LRRC41: variants seen among roughly 807,000 people sequenced by gnomAD.
The protein encoded by LRRC41 is leucine rich repeat containing 41.
In LRRC41, 17 loss-of-function variants were observed where a neutral mutation model predicts 72.1. The ratio of observed to expected loss-of-function variants is 0.24; its 90% confidence interval spans 0.16 to 0.35. The LOEUF is 0.35. Among genes scored for constraint, LRRC41 ranks in the 10% least tolerant of loss-of-function variants. The probability of loss-of-function intolerance (pLI) is 1.00; values close to 1 mark genes in which losing one functional copy is unlikely to be tolerated. For missense variants in LRRC41, 759 were observed against 1,065.0 expected (o/e 0.71, Z 4.00); for synonymous variants, 427 against 431.0 (o/e 0.99, Z 0.11).
At chr1:46,297,310 G>A (rs1300679378) in intron 3 of LRRC41, 2 of 410,576 alleles carry the variant, frequency 4.9e-6, no homozygotes, top group African/African-American at 4.0e-5. Context: ...AAGAACTCTA[G>A]GAATCCTGGC....
In LRRC41 at chr1:46,302,437, C is replaced by T; in HGVS notation, c.199+687G>A. The T allele has an allele frequency of 1.0e-6, 1 of 985,406 alleles. No homozygotes were observed. Among genetic ancestry groups the T allele is most frequent in the South Asian group, 4.7e-5 (1 of 21,286 alleles). The allele number at this position is 985,406 out of a possible 1,614,324, so 61.0% of individuals were successfully genotyped here. ...CCCTGTCCTGCGGGTCGCACGGTCG[C>T]TCGGTCGCTTAGTCAGTTTGGCACC... On this transcript the variant is annotated intron_variant, in intron 1 of 9. Transcript: ENST00000617190. This position sits in a 1 kb window ranked among gnomAD's most constrained non-coding sequence, Gnocchi z 4.7.
At chr1:46,281,455 C>T (rs1326280205) in intron 4 of LRRC41, 70 bp from the exon 5 acceptor site, 14 of 1,458,902 alleles carry the variant, frequency 9.6e-6, no homozygotes, top group African/African-American at 1.4e-5. Context: ...TCAAATACAA[C>T]TCCAAATACT....
At position 46,286,744 on chromosome 1, in the gene LRRC41, G is replaced by T. The variant is rs1660891608; in HGVS notation, c.358-245C>A. On this transcript the variant is annotated intron_variant, in intron 3 of 9. Transcript: ENST00000617190. The surrounding 1 kb of genome is among the most constrained non-coding windows in gnomAD (Gnocchi z 5.5). ...CTGGAAATCTGGTTCCAGAGACCATGCTTTTATTATAGTGTCTCCACTGAA... is the reference window on the plus strand; with the variant it reads ...CTGGAAATCTGGTTCCAGAGACCATTCTTTTATTATAGTGTCTCCACTGAA... Among the ~76,000 whole-genome samples, 1 of 152,220 alleles carries T rather than the reference G, an allele frequency of 6.6e-6. No individual in the cohort carries two copies. The highest frequency in any genetic ancestry group is 1.5e-5 in the Non-Finnish European group (1 of 68,040).
intron 3 of LRRC41, among the ~76,000 whole-genome samples, chr1:46,291,552 G>GTTTTTTTTTTTT (rs1219656700): frequency 1.1e-4 from 9 of 84,948 alleles, no homozygotes; most frequent in African/African-American, 4.2e-4. Context: ...GCCCCAGCTG[G>GTTTTTTTTTTTT]TTTTTTTTTT....
intron 4 of LRRC41, among the ~76,000 whole-genome samples, chr1:46,282,249 A>G (rs1212830380): frequency 2.0e-5 from 3 of 152,182 alleles, no homozygotes; most frequent in African/African-American, 4.8e-5. Flanking sequence ...CCTAAAAACT[A>G]TGGAGAGTGA....
chr1:46,280,675 C>A, intron 5 of LRRC41, 115 bp from the exon 6 acceptor site: 1 of 1,010,956 alleles, frequency 9.9e-7, no homozygotes, highest in Non-Finnish European at 1.5e-6. Flanking sequence ...ATTCACTTGT[C>A]GTTGAGTGCC....
Position 46,298,426 on chromosome 1 carries a change from G to A in LRRC41, c.200-56C>T, listed in dbSNP as rs568580594. On this transcript the variant is annotated intron_variant, in intron 1 of 9. Coordinates refer to ENST00000617190, the MANE Select transcript of LRRC41 (RefSeq NM_006369.5). ...CCTCCCCTCCCCCTCCCACCCAAGAGGTTTCCAAGCATTATTTATTCTACT... is the reference window on the plus strand; with the variant it reads ...CCTCCCCTCCCCCTCCCACCCAAGAAGTTTCCAAGCATTATTTATTCTACT... The A allele has an allele frequency of 3.3e-5, 36 of 1,082,860 alleles. No homozygotes were observed. In the East Asian group the frequency reaches 8.5e-4, roughly 26 times the overall value. 67.1% of individuals were successfully genotyped at this position (1,082,860 alleles called of 1,614,324 possible). A position where few individuals can be genotyped will look rare whatever the true frequency, so the allele number is the denominator to read the frequency against.
rs755472029 is a variant in LRRC41, at chr1:46,298,317, A to G, written c.253T>C (p.Leu85=). 1.4e-5 allele frequency: 22 copies of G among 1,612,554 alleles called. No individual in the cohort carries two copies. The Middle Eastern group carries it at 4.9e-4, about 36-fold the overall frequency. Reference sequence around the variant, plus strand: ...AGGGCAGTTTCCTCAATCCTCTCCAAGTAATATATATTGAGCAGAGGTAGG... The same window carrying G: ...AGGGCAGTTTCCTCAATCCTCTCCAGGTAATATATATTGAGCAGAGGTAGG... ...SILPLLNIYY[L]ERIEETALKK... Residue 85 remains leucine (L), a synonymous_variant, in exon 2 of 10, where the codon TTG becomes CTG. Transcript: ENST00000617190.
At position 46,279,282 on chromosome 1, in the gene LRRC41, T is replaced by A. The variant is rs376475402; in HGVS notation, c.2144-25A>T. On this transcript the variant is annotated intron_variant, in intron 8 of 9. Coordinates refer to ENST00000617190, the MANE Select transcript of LRRC41 (RefSeq NM_006369.5). The surrounding 1 kb of genome is among the most constrained non-coding windows in gnomAD (Gnocchi z 4.5). The stretch of plus-strand genomic sequence containing the variant: ...CCTGGAGAGAAGGGGAGAACGCCTA[T>A]CACCTCCACCCAAGAACAGGGGACA... The A allele has an allele frequency of 6.2e-7, 1 of 1,612,146 alleles. No homozygotes were observed. The highest frequency in any genetic ancestry group is 8.5e-7 in the Non-Finnish European group (1 of 1,178,266).
intron 1 of LRRC41, chr1:46,300,469 G>A (rs1045032852): frequency 3.9e-5 from 6 of 152,120 alleles, no homozygotes; most frequent in African/African-American, 1.4e-4. Flanking sequence ...GTAGGTCCTC[G>A]ATGTACGGGC....
At chr1:46,293,902 G>A (rs539469371) in intron 3 of LRRC41, among the ~76,000 whole-genome samples, 4 of 151,690 alleles carry the variant, frequency 2.6e-5, no homozygotes, top group African/African-American at 9.7e-5. Flanking sequence ...TAATCCCAGA[G>A]TAGCTGGGAT....
intron 2 of LRRC41, among the ~76,000 whole-genome samples, chr1:46,298,057 C>T (rs1221737563): frequency 6.6e-6 from 1 of 152,062 alleles, no homozygotes; most frequent in African/African-American, 2.4e-5. Context: ...TCTGGCTTTG[C>T]TATTAATTGT....
At position 46,286,400 on chromosome 1, in the gene LRRC41, G is replaced by A. The variant is rs753652047; in HGVS notation, c.457C>T (p.Arg153Trp). ...GAGCTGTGCAGAAGAGGTGAGAACC[G>A]CTGATCACAAAGACGCCTGTCAGAA... ...VSSDRRLCDQ[R>W]FSPLLHSSRH... Residue 153 changes from arginine (R) to tryptophan (W), a missense_variant, in exon 4 of 10, where the codon CGG becomes TGG. This residue lies in a region of LRRC41 where 116 missense variants were observed against 250.9 expected (regional missense o/e 0.46). Transcript: ENST00000617190. This position sits in a 1 kb window ranked among gnomAD's most constrained non-coding sequence, Gnocchi z 5.5. The A allele has an allele frequency of 6.2e-7, 1 of 1,614,176 alleles. No homozygotes were observed.
intron 3 of LRRC41, among the ~76,000 whole-genome samples, chr1:46,287,965 C>T (rs1035161216): frequency 1.3e-5 from 2 of 152,156 alleles, no homozygotes; most frequent in Non-Finnish European, 2.9e-5. Flanking sequence ...GCCAAAAGGC[C>T]GAGAAGCGAT....
intron 1 of LRRC41, chr1:46,301,871 C>T: frequency 1.2e-6 from 1 of 843,092 alleles, no homozygotes; most frequent in Non-Finnish European, 1.4e-6. Context: ...CACCTCTTCG[C>T]CCAACTCCAA....
Position 46,286,969 on chromosome 1 carries a change from C to T in LRRC41, c.358-470G>A, listed in dbSNP as rs1660896945. Reference sequence around the variant, plus strand: ...GAGAAGCTGGGATTACAGGCGCCCGCCACCACACCTGGCTAATTTTTGTAT... The same window carrying T: ...GAGAAGCTGGGATTACAGGCGCCCGTCACCACACCTGGCTAATTTTTGTAT... On this transcript the variant is annotated intron_variant, in intron 3 of 9. Transcript: ENST00000617190. This position sits in a 1 kb window ranked among gnomAD's most constrained non-coding sequence, Gnocchi z 5.5. Among the ~76,000 whole-genome samples, 1 of 152,156 alleles carries T rather than the reference C, an allele frequency of 6.6e-6. No homozygotes were observed. The highest frequency in any genetic ancestry group is 1.5e-5 in the Non-Finnish European group (1 of 68,032).
intron 2 of LRRC41, among the ~76,000 whole-genome samples, 179 bp from the exon 3 acceptor site, chr1:46,297,812 T>C (rs542443310): frequency 6.6e-6 from 1 of 152,312 alleles, no homozygotes; most frequent in South Asian, 2.1e-4. Context: ...CTATGTGACT[T>C]TGCGCAAGTT....
chr1:46,279,759 G>C lies in LRRC41; in HGVS notation c.2021-145C>G. On this transcript the variant is annotated intron_variant, in intron 7 of 9. Transcript: ENST00000617190. This position sits in a 1 kb window ranked among gnomAD's most constrained non-coding sequence, Gnocchi z 4.5. ...TTTGTCTAGACTCCAAGCAAGGCTGGAACTAAATCAGAATCCAAACTAAAG... is the reference window on the plus strand; with the variant it reads ...TTTGTCTAGACTCCAAGCAAGGCTGCAACTAAATCAGAATCCAAACTAAAG... 1 of 955,146 alleles carries C rather than the reference G, an allele frequency of 1.0e-6. No homozygotes were observed. The highest frequency in any genetic ancestry group is 1.6e-6 in the Non-Finnish European group (1 of 632,946). The allele number at this position is 955,146 out of a possible 1,614,324, so 59.2% of individuals were successfully genotyped here. A position where few individuals can be genotyped will look rare whatever the true frequency, so the allele number is the denominator to read the frequency against.
In LRRC41 at chr1:46,279,420, C is replaced by CTT. The variant is rs747642879; in HGVS notation, c.2143+70_2143+71dup. Reference sequence around the variant, plus strand: ...ACGTTCCCAGTGGAGAGGTCTTTGCCTTTATCCAGTGAGTTTTTAGGTCAA... The same window carrying CTT: ...ACGTTCCCAGTGGAGAGGTCTTTGCCTTTTTATCCAGTGAGTTTTTAGGTCAA... On this transcript the variant is annotated intron_variant, in intron 8 of 9. Coordinates refer to ENST00000617190, the MANE Select transcript of LRRC41 (RefSeq NM_006369.5). The surrounding 1 kb of genome is among the most constrained non-coding windows in gnomAD (Gnocchi z 4.5). 138 of 1,611,628 alleles carry CTT rather than the reference C, an allele frequency of 8.6e-5. No homozygotes were observed. The South Asian group carries it at 9.6e-4, about 11-fold the overall frequency.
Sources: allele counts gnomAD v4.1 joint callset (sites outside exome capture counted in the v4.1 genomes callset), GRCh38; gene constraint gnomAD v4.1.1; regional missense constraint gnomAD v4.1.1; non-coding constraint Gnocchi (gnomAD v3.1); transcripts MANE v1.5; gene names NCBI Gene and HGNC (gene_info 2026-07-23, HGNC 2026-07-21).